IGSF21: variants seen among roughly 807,000 people sequenced by gnomAD.
IGSF21 encodes immunoglobulin superfamily member 21.
Under a neutral mutation model 46.8 loss-of-function variants are expected in IGSF21, and 28 were observed. That is an observed-to-expected ratio of 0.60 (90% CI 0.44 to 0.82). IGSF21 has a LOEUF of 0.82. Among genes scored for constraint, IGSF21 ranks in the 40% least tolerant of loss-of-function variants. The pLI is 0.00. For missense variants in IGSF21, 624 were observed against 665.5 expected (o/e 0.94, Z 0.69); for synonymous variants, 284 against 273.6 (o/e 1.04, Z -0.38).
chr1:18,291,838 G>A (rs746751371), intron 2 of IGSF21, 28 bp from the exon 3 acceptor site: 5 of 1,611,740 alleles, frequency 3.1e-6, no homozygotes, highest in South Asian at 2.2e-5. Context: ...GAGCACTCAC[G>A]TGTGGCTATC....
chr1:18,343,439 T>C (rs1348493917), intron 4 of IGSF21, among the ~76,000 whole-genome samples: 2 of 152,248 alleles, frequency 1.3e-5, no homozygotes, highest in Non-Finnish European at 2.9e-5. Flanking sequence ...GACAAAATGT[T>C]TTAATGTCAA....
intron 1 of IGSF21, among the ~76,000 whole-genome samples, chr1:18,185,366 G>C (rs1014740068): frequency 6.6e-6 from 1 of 152,184 alleles, no homozygotes; most frequent in Non-Finnish European, 1.5e-5. Flanking sequence ...CCTTCTGACT[G>C]ATCTTCAAGT....
At chr1:18,319,231 C>T (rs2085574949) in intron 3 of IGSF21, among the ~76,000 whole-genome samples, 1 of 152,166 alleles carries the variant, frequency 6.6e-6, no homozygotes, top group Non-Finnish European at 1.5e-5. Context: ...AAGGCTGCAC[C>T]AGCTCCAGCC....
chr1:18,210,203 A>G (rs2084375187), intron 1 of IGSF21, among the ~76,000 whole-genome samples: 1 of 152,150 alleles, frequency 6.6e-6, no homozygotes, highest in African/African-American at 2.4e-5. Flanking sequence ...TGTCAAGTGG[A>G]AGAACGAGAT....
intron 1 of IGSF21, among the ~76,000 whole-genome samples, chr1:18,194,146 A>G (rs574335364): frequency 9.6e-4 from 146 of 152,354 alleles, no homozygotes; most frequent in African/African-American, 3.3e-3. Context: ...CAAACAGGTC[A>G]GTAGGGGAAG....
chr1:18,192,881 A>G (rs1219087981), intron 1 of IGSF21, among the ~76,000 whole-genome samples: 1 of 152,088 alleles, frequency 6.6e-6, no homozygotes, highest in African/African-American at 2.4e-5. Flanking sequence ...GGGCCGATTC[A>G]ATTCGTTTAT....
chr1:18,231,156 T>C (rs2084622299), intron 2 of IGSF21, among the ~76,000 whole-genome samples: 1 of 152,152 alleles, frequency 6.6e-6, no homozygotes, highest in African/African-American at 2.4e-5. Context: ...CTCAGCACAG[T>C]GGGCACAAAA....
chr1:18,340,117 A>T (rs2085816469), intron 4 of IGSF21, among the ~76,000 whole-genome samples: 1 of 152,202 alleles, frequency 6.6e-6, no homozygotes, highest in Non-Finnish European at 1.5e-5. Context: ...ATTTGCATTT[A>T]TTCATTTGTG....
chr1:18,233,513 CTTCACCTGAA>C (rs2084646980), intron 2 of IGSF21, among the ~76,000 whole-genome samples: 1 of 152,168 alleles, frequency 6.6e-6, no homozygotes, highest in Non-Finnish European at 1.5e-5. Context: ...CTTTTAGAAA[CTTCACCTGAA>C]ATTGGGCATG....
intron 1 of IGSF21, among the ~76,000 whole-genome samples, chr1:18,202,759 G>A (rs897685448): frequency 2.6e-5 from 4 of 152,174 alleles, no homozygotes; most frequent in African/African-American, 7.2e-5. Flanking sequence ...GACTTGGGTG[G>A]GGACACAAAG....
chr1:18,342,282 C>T (rs1330036677), intron 4 of IGSF21, among the ~76,000 whole-genome samples: 5 of 152,002 alleles, frequency 3.3e-5, no homozygotes, highest in South Asian at 2.1e-4. Context: ...TTAGTCGAGA[C>T]GAGGTTTCTC....
At chr1:18,328,376 T>C (rs918082690) in intron 3 of IGSF21, among the ~76,000 whole-genome samples, 1 of 152,194 alleles carries the variant, frequency 6.6e-6, no homozygotes, top group African/African-American at 2.4e-5. Flanking sequence ...TTAAATACCA[T>C]ACTGAAATTG....
At chr1:18,369,971 C>A (rs1426565047) in intron 6 of IGSF21, among the ~76,000 whole-genome samples, 1 of 152,124 alleles carries the variant, frequency 6.6e-6, no homozygotes, top group African/African-American at 2.4e-5. Flanking sequence ...AAACCAGAAG[C>A]CTTGCAGACC....
In IGSF21 at chr1:18,347,849, T is replaced by C. The variant is rs191532593; in HGVS notation, c.424+12839T>C. Reference sequence around the variant, plus strand: ...AGACCACTTGCTCTTTCGTTTCTCATGCTTACAAATCCTTTGATTCAAGCA... The same window carrying C: ...AGACCACTTGCTCTTTCGTTTCTCACGCTTACAAATCCTTTGATTCAAGCA... On this transcript the variant is annotated intron_variant, in intron 4 of 9. Transcript: ENST00000251296. Among the ~76,000 whole-genome samples, 9 of 152,344 alleles carry C rather than the reference T, an allele frequency of 5.9e-5. No individual in the cohort carries two copies. The East Asian group carries it at 1.7e-3, about 29-fold the overall frequency.
chr1:18,191,957 C>T (rs1275935085), intron 1 of IGSF21, among the ~76,000 whole-genome samples: 4 of 152,266 alleles, frequency 2.6e-5, no homozygotes, highest in East Asian at 1.9e-4. Context: ...CATCTGCCCT[C>T]CTGAGAGTCC....
At chr1:18,298,809 C>T (rs2085335287) in intron 3 of IGSF21, among the ~76,000 whole-genome samples, 4 of 152,338 alleles carry the variant, frequency 2.6e-5, no homozygotes, top group Middle Eastern at 3.4e-3. Flanking sequence ...GCCCCTGCCT[C>T]TTCGGAGCTT....
chr1:18,339,995 C>T (rs2085815128), intron 4 of IGSF21, among the ~76,000 whole-genome samples: 1 of 152,208 alleles, frequency 6.6e-6, no homozygotes, highest in Non-Finnish European at 1.5e-5. Flanking sequence ...CTACTTTTGA[C>T]ATGGACGGTC....
chr1:18,173,805 G>A (rs2086767563), intron 1 of IGSF21, among the ~76,000 whole-genome samples: 1 of 152,220 alleles, frequency 6.6e-6, no homozygotes, highest in Admixed American at 6.5e-5. Flanking sequence ...CCAGGCTGGG[G>A]TGCAGTGGTG....
intron 4 of IGSF21, among the ~76,000 whole-genome samples, chr1:18,352,639 C>A (rs2085969496): frequency 6.6e-6 from 1 of 152,170 alleles, no homozygotes; most frequent in Admixed American, 6.5e-5. Context: ...ATTTCTCCAC[C>A]AGCAATAGCC....
Sources: allele counts gnomAD v4.1 joint callset (sites outside exome capture counted in the v4.1 genomes callset), GRCh38; gene constraint gnomAD v4.1.1; transcripts MANE v1.5; gene names NCBI Gene and HGNC (gene_info 2026-07-23, HGNC 2026-07-21).